KPNA7: variants seen among roughly 807,000 people sequenced by gnomAD.
KPNA7 encodes the protein importin subunit alpha-8.
KPNA7 carries 54 observed loss-of-function variants against 53.7 expected under a neutral mutation model. The ratio of observed to expected loss-of-function variants is 1.01; its 90% confidence interval spans 0.81 to 1.26. KPNA7 has a LOEUF of 1.26. Among genes scored for constraint, KPNA7 ranks in the 50% most tolerant of loss-of-function variants. The pLI is 0.00. For synonymous variants in KPNA7, 276 were observed against 259.3 expected, an observed-to-expected ratio of 1.06 and a Z score of -0.62; for missense variants, 640 against 644.5, an observed-to-expected ratio of 0.99 and a Z score of 0.07.
intron 3 of KPNA7, among the ~76,000 whole-genome samples, 152 bp from the exon 4 acceptor site, chr7:99,196,318 T>C (rs765129441): frequency 3.9e-5 from 6 of 152,182 alleles, no homozygotes; most frequent in African/African-American, 7.2e-5. Flanking sequence ...GGGGAGAATA[T>C]AGTCCACAGA....
chr7:99,150,431 T>TTTTTTTTTTTTA, the KPNA7 span, among the ~76,000 whole-genome samples: 4 of 150,428 alleles, frequency 2.7e-5, no homozygotes, highest in African/African-American at 4.9e-5. Flanking sequence ...CTCTTTTTTT[T>TTTTTTTTTTTTA]GAGACGGAGT....
chr7:99,173,271 AC>A (rs1466985042), downstream of KPNA7, among the ~76,000 whole-genome samples: 1 of 151,542 alleles, frequency 6.6e-6, no homozygotes, highest in Non-Finnish European at 1.5e-5. Flanking sequence ...GTTCACTGCA[AC>A]CTCCGCCCTC....
chr7:99,171,931 G>A (rs1376250938), downstream of KPNA7, among the ~76,000 whole-genome samples: 1 of 152,180 alleles, frequency 6.6e-6, no homozygotes, highest in Non-Finnish European at 1.5e-5. Context: ...GAGCTCTCCA[G>A]TGGGTGTGGA....
the KPNA7 span, among the ~76,000 whole-genome samples, chr7:99,156,390 G>A: frequency 6.6e-6 from 1 of 151,938 alleles, no homozygotes; most frequent in African/African-American, 2.4e-5. Flanking sequence ...TTTTGTTTCT[G>A]GAAAGAGTCT....
the KPNA7 span, among the ~76,000 whole-genome samples, chr7:99,166,328 G>A: frequency 1.2e-4 from 18 of 151,602 alleles, no homozygotes; most frequent in African/African-American, 2.2e-4. Flanking sequence ...TTCCTTCCTC[G>A]TTACTTTTTT....
At chr7:99,172,139 G>A (rs565490384), downstream of KPNA7, among the ~76,000 whole-genome samples, 45 of 152,288 alleles carry the variant, frequency 3.0e-4, no homozygotes, top group Non-Finnish European at 1.0e-4. Flanking sequence ...ACAAAAATTA[G>A]ATATCTACGA....
intron 6 of KPNA7, among the ~76,000 whole-genome samples, chr7:99,190,778 G>A (rs1218747670): frequency 6.6e-6 from 1 of 151,694 alleles, no homozygotes; most frequent in African/African-American, 2.4e-5. Context: ...TTCCCAAGTA[G>A]CTGGGACTAC....
rs1469031645 is a variant in KPNA7, at chr7:99,180,745, G to C, written c.1317+1138C>G. Among the ~76,000 whole-genome samples, 39 of 52,760 alleles carry C rather than the reference G, an allele frequency of 7.4e-4. 1 individual carries two copies. Among genetic ancestry groups the C allele is most frequent in the African/African-American group, 1.0e-3 (12 of 11,458 alleles). 34.6% of individuals were successfully genotyped at this position (52,760 alleles called of 152,430 possible). On this transcript the variant is annotated intron_variant, in intron 9 of 10. Coordinates refer to ENST00000327442, the MANE Select transcript of KPNA7 (RefSeq NM_001145715.3). The stretch of plus-strand genomic sequence containing the variant: ...CGTCTGTGTCTCTCTCTCTCCCCGT[G>C]TCTCTCTCTCTCTCCCCGTCTGTGT...
chr7:99,178,161 G>T, intron 9 of KPNA7, 95 bp from the exon 10 acceptor site: 1 of 1,074,508 alleles, frequency 9.3e-7, no homozygotes, highest in Non-Finnish European at 1.3e-6. Flanking sequence ...CCGAGTGGAA[G>T]CAGACCAAAG....
chr7:99,148,066 A>G, the KPNA7 span, among the ~76,000 whole-genome samples: 3 of 152,044 alleles, frequency 2.0e-5, no homozygotes, highest in Admixed American at 2.0e-4. Context: ...GCATTTGCCC[A>G]CTTAAAAATC....
chr7:99,177,831 G>T, intron 10 of KPNA7, 89 bp downstream of exon 10: 1 of 1,373,516 alleles, frequency 7.3e-7, no homozygotes, highest in Non-Finnish European at 9.8e-7. Flanking sequence ...CCTGCCACAC[G>T]CAACAGCCCA....
the KPNA7 span, among the ~76,000 whole-genome samples, chr7:99,150,080 T>C: frequency 6.6e-6 from 1 of 151,644 alleles, no homozygotes; most frequent in East Asian, 1.9e-4. Flanking sequence ...ATTACAGGCA[T>C]GAGCCACCGC....
chr7:99,197,467 CATAT>C (rs911921228), intron 3 of KPNA7, among the ~76,000 whole-genome samples: 14 of 152,116 alleles, frequency 9.2e-5, no homozygotes, highest in African/African-American at 3.1e-4. Flanking sequence ...CACACATATA[CATAT>C]ATATGTGAAA....
the KPNA7 span, among the ~76,000 whole-genome samples, chr7:99,158,652 C>T: frequency 6.6e-6 from 1 of 151,980 alleles, no homozygotes; most frequent in African/African-American, 2.4e-5. Context: ...TGTAGGTGTG[C>T]ACCACCATGC....
chr7:99,172,886 A>G (rs1371509724), downstream of KPNA7, among the ~76,000 whole-genome samples: 1 of 151,946 alleles, frequency 6.6e-6, no homozygotes, highest in Non-Finnish European at 1.5e-5. Flanking sequence ...AACATGGTGA[A>G]ACCCTGTCTC....
intron 6 of KPNA7, among the ~76,000 whole-genome samples, chr7:99,190,509 C>T (rs1383992866): frequency 6.6e-6 from 1 of 152,164 alleles, no homozygotes; most frequent in Non-Finnish European, 1.5e-5. Flanking sequence ...CTCAGGCTCT[C>T]CTCACACTCT....
At chr7:99,192,555 G>C (rs7779268) in intron 6 of KPNA7, among the ~76,000 whole-genome samples, 12,966 of 152,206 alleles carry the variant, frequency 0.085, 579 homozygotes, top group South Asian at 0.15. Context: ...TGAGACTACA[G>C]GTGTACGCTA....
At chr7:99,161,431 C>T in the KPNA7 span, among the ~76,000 whole-genome samples, 1 of 152,166 alleles carries the variant, frequency 6.6e-6, no homozygotes, top group East Asian at 1.9e-4. Context: ...GGTCCTCTCC[C>T]AGTTGAGTCT....
intron 7 of KPNA7, 32 bp downstream of exon 7, chr7:99,188,268 C>G (rs569828674): frequency 6.5e-7 from 1 of 1,538,476 alleles, no homozygotes; most frequent in Non-Finnish European, 8.8e-7. Context: ...GACCCGAGGA[C>G]TCGAATCCAC....
Sources: allele counts gnomAD v4.1 joint callset (sites outside exome capture counted in the v4.1 genomes callset), GRCh38; gene constraint gnomAD v4.1.1; transcripts MANE v1.5; gene names NCBI Gene and HGNC (gene_info 2026-07-23, HGNC 2026-07-21).